Variants in HERC1 observed in about 807,000 individuals in gnomAD.
HERC1 encodes HECT and RLD domain containing E3 ubiquitin protein ligase family member 1.
HERC1 carries 160 observed loss-of-function variants against 554.3 expected under a neutral mutation model. The ratio of observed to expected loss-of-function variants is 0.29; its 90% CI spans 0.25 to 0.33. HERC1 has a LOEUF of 0.33. Among genes scored for constraint, HERC1 ranks in the 10% least tolerant of loss-of-function variants. The pLI is 1.00. For missense variants in HERC1, 4,919 were observed against 5,918.5 expected, an observed-to-expected ratio of 0.83 and a Z score of 5.54; for synonymous variants, 2,175 against 2,131.7, an observed-to-expected ratio of 1.02 and a Z score of -0.56.
intron 26 of HERC1, 54 bp downstream of exon 26, chr15:63,698,674 G>GGTTC: frequency 5.3e-6 from 8 of 1,521,228 alleles, no homozygotes; most frequent in Non-Finnish European, 7.1e-6. Flanking sequence ...TACATTCAAT[G>GGTTC]GTTCAGTTTT....
intron 1 of HERC1, among the ~76,000 whole-genome samples, chr15:63,807,843 C>T (rs1453849622): frequency 6.6e-6 from 1 of 152,110 alleles, no homozygotes; most frequent in East Asian, 1.9e-4. Context: ...TTCCTTTCCA[C>T]TTATACTTCC....
rs2069145942 is a variant in HERC1 at position 63,642,938 on chromosome 15, G to T, written c.11433+19C>A. 9 of 1,391,516 alleles carry T rather than the reference G, an allele frequency of 6.5e-6. No homozygotes were observed. The highest frequency in any genetic ancestry group is 9.2e-6 in the Non-Finnish European group (9 of 979,768). The allele number at this position is 1,391,516 out of a possible 1,614,324, so 86.2% of individuals were successfully genotyped here. ...CTTACAAGCTTACACCCTATCATTT[G>T]ATATAACTACAATATTACCTTTGAT... On this transcript the variant is annotated intron_variant, in intron 59 of 77. Coordinates refer to ENST00000443617, the MANE Select transcript of HERC1 (RefSeq NM_003922.4).
At chr15:63,703,602 T>G (rs1180688664) in intron 25 of HERC1, among the ~76,000 whole-genome samples, 3 of 152,018 alleles carry the variant, frequency 2.0e-5, no homozygotes, top group Middle Eastern at 3.4e-3. Context: ...CACATAGAAT[T>G]CTTGGCCAGG....
At chr15:63,687,757 C>CA (rs978834865) in intron 33 of HERC1, among the ~76,000 whole-genome samples, 6 of 152,246 alleles carry the variant, frequency 3.9e-5, no homozygotes, top group Non-Finnish European at 8.8e-5. Flanking sequence ...GGTGACACGA[C>CA]AAAGAGTGTG....
chr15:63,826,710 A>AT (rs1234451045), intron 1 of HERC1, among the ~76,000 whole-genome samples: 3 of 146,378 alleles, frequency 2.0e-5, no homozygotes, highest in African/African-American at 5.0e-5. Flanking sequence ...AGAACCAACC[A>AT]TCTGCAAGCA....
At position 63,635,946 on chromosome 15, in the gene HERC1, C is replaced by A. The variant is rs747131856; in HGVS notation, c.12414+15G>T. 5 of 1,611,352 alleles carry A rather than the reference C, an allele frequency of 3.1e-6. No homozygotes were observed. Among genetic ancestry groups the A allele is most frequent in the Non-Finnish European group, 4.2e-6 (5 of 1,178,626 alleles). On this transcript the variant is annotated intron_variant, in intron 65 of 77. Coordinates refer to ENST00000443617, the MANE Select transcript of HERC1 (RefSeq NM_003922.4). The stretch of plus-strand genomic sequence containing the variant: ...ATTTACAATGAAAGGCAAACTTATC[C>A]ATTTCCTGCCTGACCTGCACCACTT...
chr15:63,755,562 T>C (rs1276566993), intron 5 of HERC1, among the ~76,000 whole-genome samples: 2 of 152,184 alleles, frequency 1.3e-5, no homozygotes, highest in African/African-American at 4.8e-5. Context: ...GCAGATTGTT[T>C]GAGCTCAGGA....
At position 63,775,471 on chromosome 15, in the gene HERC1, G is replaced by A; in HGVS notation, c.153C>T (p.Pro51=). Residue 51 remains proline, a synonymous_variant, in exon 2 of 78, where the codon CCC becomes CCT. Coordinates refer to ENST00000443617, the MANE Select transcript of HERC1 (RefSeq NM_003922.4). The surrounding 1 kb of genome is among the most constrained non-coding windows in gnomAD (Gnocchi z 4.0). ...GTCCTTTGAGGCATAAAACTTGTTG[G>A]GGCAAAGGTACTACTTCCTTATTGC... The part of the protein sequence containing the change: ...LVSNKEVVPL[P]QQVLCLKGPQ... The A allele has an allele frequency of 6.2e-7, 1 of 1,613,966 alleles. No individual in the cohort carries two copies. The highest frequency in any genetic ancestry group is 8.5e-7 in the Non-Finnish European group (1 of 1,179,890).
intron 51 of HERC1, 138 bp from the exon 52 acceptor site, chr15:63,652,679 G>A (rs2069759058): frequency 1.4e-6 from 1 of 695,336 alleles, no homozygotes; most frequent in African/African-American, 1.8e-5. Flanking sequence ...TTGAGATGAA[G>A]TCTTGCTCTG....
At position 63,755,044 on chromosome 15, in the gene HERC1, T is replaced by C. The variant is rs944775887; in HGVS notation, c.1630+185A>G. On this transcript the variant is annotated intron_variant, in intron 6 of 77. Transcript: ENST00000443617. ...CACACTCAGTAAATGCTTGCTAGAT[T>C]TAATTACATTTAAATATCAGCACTA... Among the ~76,000 whole-genome samples, 9 of 152,324 alleles carry C rather than the reference T, an allele frequency of 5.9e-5. No individual in the cohort carries two copies. In the South Asian group the frequency reaches 1.5e-3, roughly 25 times the overall value.
chr15:63,753,205 G>T, intron 7 of HERC1, 120 bp from the exon 8 acceptor site: 1 of 642,166 alleles, frequency 1.6e-6, no homozygotes, highest in Non-Finnish European at 2.3e-6. Context: ...GATATGAAAA[G>T]CTATGTTTCT....
At chr15:63,827,489 C>T (rs2077982804) in intron 1 of HERC1, among the ~76,000 whole-genome samples, 1 of 151,274 alleles carries the variant, frequency 6.6e-6, no homozygotes, top group South Asian at 2.1e-4. Context: ...GATTTGGAGT[C>T]ATTTCCAGGA....
Position 63,623,904 on chromosome 15 carries a change from G to C in HERC1, c.13446-14C>G. ...CACTTCCGTCCTCTTTAAAAGAAAG[G>C]GAGAAAGCAATGAAATACAACTCTT... On this transcript the variant is annotated splice_polypyrimidine_tract_variant and intron_variant, in intron 72 of 77. Coordinates refer to ENST00000443617, the MANE Select transcript of HERC1 (RefSeq NM_003922.4). 6.2e-7 allele frequency: 1 copy of C among 1,612,104 alleles called. No homozygotes were observed. The highest frequency in any genetic ancestry group is 8.5e-7 in the Non-Finnish European group (1 of 1,178,670).
intron 15 of HERC1, 49 bp from the exon 16 acceptor site, chr15:63,729,417 G>A (rs757504649): frequency 2.5e-6 from 4 of 1,593,914 alleles, no homozygotes; most frequent in African/African-American, 1.4e-5. Context: ...GATTCAAGGT[G>A]TAAAAATATC....
At chr15:63,712,395 C>T (rs2073344176) in intron 24 of HERC1, among the ~76,000 whole-genome samples, 2 of 152,256 alleles carry the variant, frequency 1.3e-5, no homozygotes, top group South Asian at 4.1e-4. Flanking sequence ...AAAAAAGAGT[C>T]AAGGATGATC....
intron 12 of HERC1, among the ~76,000 whole-genome samples, chr15:63,736,792 A>G (rs904373807): frequency 1.3e-5 from 2 of 152,040 alleles, no homozygotes; most frequent in African/African-American, 2.4e-5. Flanking sequence ...TTTTTAGTAG[A>G]GATGGGGTTT....
chr15:63,631,666 G>A lies in HERC1; in HGVS notation c.12797-1031C>T, dbSNP rs528796368. On this transcript the variant is annotated intron_variant, in intron 68 of 77. Coordinates refer to ENST00000443617, the MANE Select transcript of HERC1 (RefSeq NM_003922.4). ...GCAATTCTCCCTGCCTCAGCGTCCC[G>A]AGTAGCTGGGATTACAGGCGCCTGC... Among the ~76,000 whole-genome samples the A allele has an allele frequency of 8.5e-5, 13 of 152,226 alleles. No individual in the cohort carries two copies. In the East Asian group the frequency reaches 9.7e-4, roughly 11 times the overall value.
At chr15:63,687,315 G>A (rs1011287638) in intron 33 of HERC1, among the ~76,000 whole-genome samples, 9 of 152,084 alleles carry the variant, frequency 5.9e-5, no homozygotes, top group Non-Finnish European at 1.0e-4. Flanking sequence ...CGAAGCGGGC[G>A]GATCACAAGG....
chr15:63,734,830 G>A lies in HERC1; in HGVS notation c.2540C>T (p.Ser847Leu), dbSNP rs1240061084. ...EIQEVVIETLSVGATMLLPPL... is the reference protein window; with the variant it reads ...EIQEVVIETLLVGATMLLPPL... ...AGGTAACAGCATGGTTGCTCCCACTGATAAAGTTTCAATTACCACCTAATA... is the reference window on the plus strand; with the variant it reads ...AGGTAACAGCATGGTTGCTCCCACTAATAAAGTTTCAATTACCACCTAATA... The change falls in exon 13 of 78, where the codon TCA becomes TTA. Residue 847 changes from serine (S) to leucine (L), a missense_variant. Ser to Leu is a moderately radical substitution (Grantham distance 145). Around this residue, in one of 11 missense-constraint regions of HERC1, gnomAD observed 744 missense variants for 1,090.0 expected, o/e 0.68. Transcript: ENST00000443617. The surrounding 1 kb of genome is among the most constrained non-coding windows in gnomAD (Gnocchi z 4.6). 3 of 1,610,462 alleles carry A rather than the reference G, an allele frequency of 1.9e-6. No individual in the cohort carries two copies. Among genetic ancestry groups the A allele is most frequent in the African/African-American group, 2.7e-5 (2 of 74,668 alleles).
Sources: allele counts gnomAD v4.1 joint callset (sites outside exome capture counted in the v4.1 genomes callset), GRCh38; gene constraint gnomAD v4.1.1; regional missense constraint gnomAD v4.1.1; non-coding constraint Gnocchi (gnomAD v3.1); transcripts MANE v1.5; gene names NCBI Gene and HGNC (gene_info 2026-07-23, HGNC 2026-07-21).